PHKA1: variants seen among roughly 807,000 people sequenced by gnomAD.
PHKA1 encodes phosphorylase kinase regulatory subunit alpha 1.
In PHKA1, 60 loss-of-function variants were observed where a neutral mutation model predicts 110.2. That is an observed-to-expected ratio of 0.54 (90% CI 0.44 to 0.68). The LOEUF is 0.68. PHKA1 is among the 30% of genes least tolerant of loss of function. PHKA1 has a pLI of 0.00. For missense variants in PHKA1, 801 were observed against 942.5 expected, an observed-to-expected ratio of 0.85 and a Z score of 1.97; for synonymous variants, 316 against 333.6, an observed-to-expected ratio of 0.95 and a Z score of 0.58.
At chrX:72,677,132 A>G (rs1267275177) in intron 5 of PHKA1, among the ~76,000 whole-genome samples, 1 of 112,042 alleles carries the variant, frequency 8.9e-6, no homozygotes, top group Non-Finnish European at 1.9e-5. Flanking sequence ...GTGATCAGGT[A>G]TTTAGTAGAT....
chrX:72,630,979 C>T (rs1556287138), intron 16 of PHKA1, among the ~76,000 whole-genome samples: 2 of 88,111 alleles, frequency 2.3e-5, no homozygotes, highest in African/African-American at 4.2e-5. Flanking sequence ...GTCTTTGAGG[C>T]TCTGTTCATA....
At chrX:72,601,907 T>C (rs1229762035) in intron 28 of PHKA1, 84 bp downstream of exon 28, 3 of 681,395 alleles carry the variant, frequency 4.4e-6, no homozygotes, top group African/African-American at 4.3e-5. Flanking sequence ...TGTTATCTTA[T>C]TTGTAAAAAG....
At chrX:72,704,160 T>C (rs1410447525) in intron 3 of PHKA1, among the ~76,000 whole-genome samples, 2 of 111,934 alleles carry the variant, frequency 1.8e-5, no homozygotes, top group East Asian at 2.8e-4. Flanking sequence ...AATCTACACA[T>C]AAAAGGATGC....
At chrX:72,677,959 G>A (rs2053799539) in intron 5 of PHKA1, among the ~76,000 whole-genome samples, 1 of 111,338 alleles carries the variant, frequency 9.0e-6, no homozygotes, top group African/African-American at 3.3e-5. Context: ...GAAGTGGCAA[G>A]ATAGCTTGAG....
chrX:72,617,264 A>G (rs1162751393), intron 21 of PHKA1, among the ~76,000 whole-genome samples: 2 of 112,013 alleles, frequency 1.8e-5, no homozygotes, highest in African/African-American at 6.5e-5. Flanking sequence ...GGCTAGACAA[A>G]GAAAAAAAGA....
rs1037648592 is a variant in PHKA1, at chrX:72,599,926, T to G, written c.3072+2065A>C. ...AGATATGAGGCCAGGAAACAATTATTTGTACTTTTAAGTCACTAGTGGAGT... is the reference window on the plus strand; with the variant it reads ...AGATATGAGGCCAGGAAACAATTATGTGTACTTTTAAGTCACTAGTGGAGT... On this transcript the variant is annotated intron_variant, in intron 28 of 31. Transcript: ENST00000373542. 9.9e-6 allele frequency: 5 copies of G among 503,533 alleles called. No homozygotes were observed. The African/African-American group carries it at 1.2e-4, about 12-fold the overall frequency. The allele number at this position is 503,533 out of a possible 1,213,427, so 41.5% of individuals were successfully genotyped here. A position where few individuals can be genotyped will look rare whatever the true frequency, so the allele number is the denominator to read the frequency against.
intron 29 of PHKA1, among the ~76,000 whole-genome samples, chrX:72,591,014 A>G (rs906943750): frequency 2.0e-4 from 22 of 112,080 alleles, no homozygotes; most frequent in African/African-American, 7.1e-4. Context: ...TGATTCCTCA[A>G]GGATCTAGAA....
chrX:72,685,112 G>GGTAA (rs781903870), intron 4 of PHKA1, among the ~76,000 whole-genome samples: 4 of 111,349 alleles, frequency 3.6e-5, no homozygotes, highest in African/African-American at 1.3e-4. Context: ...CACCCTAAGA[G>GGTAA]GTAAGCACCT....
intron 4 of PHKA1, among the ~76,000 whole-genome samples, chrX:72,694,405 T>C (rs782481227): frequency 2.0e-4 from 23 of 112,250 alleles, no homozygotes; most frequent in Non-Finnish European, 3.4e-4. Context: ...AACTGCAAAC[T>C]ATATGGCATG....
Position 72,712,863 on chromosome X carries a change from G to T in PHKA1, c.153C>A (p.Ile51=), listed in dbSNP as rs782193948. ...CCAGGCCCAAACCCCACACAGCCAA[G>T]ATGCTGTACACATTATCTCGGACCC... ...DAWVRDNVYS[I]LAVWGLGLAY... is the part of the protein sequence containing the mutation. Residue 51 remains isoleucine, a synonymous_variant, in exon 2 of 32, where the codon ATC becomes ATA. Coordinates refer to ENST00000373542, the MANE Select transcript of PHKA1 (RefSeq NM_002637.4). 5.8e-6 allele frequency: 7 copies of T among 1,207,820 alleles called. No individual in the cohort carries two copies. Among genetic ancestry groups the T allele is most frequent in the Admixed American group, 2.2e-5 (1 of 45,734 alleles).
intron 29 of PHKA1, among the ~76,000 whole-genome samples, chrX:72,592,374 TC>T (rs2147658725): frequency 8.9e-6 from 1 of 112,411 alleles, no homozygotes; most frequent in Non-Finnish European, 1.9e-5. Context: ...GATGAAGTGA[TC>T]TTCAGGTCCT....
intron 28 of PHKA1, among the ~76,000 whole-genome samples, chrX:72,597,980 T>C (rs1316242835): frequency 1.8e-5 from 2 of 111,559 alleles, no homozygotes; most frequent in Admixed American, 1.9e-4. Context: ...ACCAAAAACA[T>C]CATGATTAAC....
chrX:72,639,443 G>A, intron 14 of PHKA1, among the ~76,000 whole-genome samples: 1 of 111,554 alleles, frequency 9.0e-6, no homozygotes, highest in Non-Finnish European at 1.9e-5. Flanking sequence ...GGCTGAGGCA[G>A]GAGAATCAGC....
rs377563573 is a variant in PHKA1 at position 72,610,995 on chromosome X, T to G, written c.2526+33A>C. ...CCAATTTTTAAAAAGCACGCTTATT[T>G]AGATTTGGTATAAATTCAAGAATTT... On this transcript the variant is annotated intron_variant, in intron 22 of 31. Transcript: ENST00000373542. 29 of 1,133,031 alleles carry G rather than the reference T, an allele frequency of 2.6e-5. No individual in the cohort carries two copies. The African/African-American group carries it at 4.9e-4, about 19-fold the overall frequency. The allele number at this position is 1,133,031 out of a possible 1,213,427, so 93.4% of individuals were successfully genotyped here. A position where few individuals can be genotyped will look rare whatever the true frequency, so the allele number is the denominator to read the frequency against.
chrX:72,601,770 C>G (rs782538489), intron 28 of PHKA1, among the ~76,000 whole-genome samples: 16 of 111,321 alleles, frequency 1.4e-4, no homozygotes, highest in African/African-American at 4.9e-4. Flanking sequence ...AGAGAAACTT[C>G]AATTTCTTAT....
At chrX:72,590,657 A>G (rs1320841870) in intron 29 of PHKA1, among the ~76,000 whole-genome samples, 1 of 112,142 alleles carries the variant, frequency 8.9e-6, no homozygotes, top group Non-Finnish European at 1.9e-5. Flanking sequence ...TTTGCAATCT[A>G]CCCATCTGAC....
At chrX:72,584,833 T>C (rs1556209383) in intron 29 of PHKA1, among the ~76,000 whole-genome samples, 1 of 108,019 alleles carries the variant, frequency 9.3e-6, no homozygotes, top group East Asian at 3.0e-4. Context: ...ACATGTGCCA[T>C]GTGGGTGTGC....
intron 29 of PHKA1, among the ~76,000 whole-genome samples, chrX:72,590,510 T>A (rs2052503790): frequency 9.0e-6 from 1 of 111,705 alleles, no homozygotes; most frequent in Non-Finnish European, 1.9e-5. Context: ...TGCAAGGACT[T>A]CATCACTAAA....
intron 2 of PHKA1, among the ~76,000 whole-genome samples, chrX:72,710,844 T>C (rs1276396654): frequency 9.3e-6 from 1 of 107,334 alleles, no homozygotes; most frequent in Non-Finnish European, 1.9e-5. Flanking sequence ...TTTTTTATTT[T>C]TTTTTTTATT....
Sources: gnomAD v4.1 joint callset for allele counts (sites outside exome capture counted in the v4.1 genomes callset) on GRCh38, gnomAD v4.1.1 for gene constraint, MANE v1.5 for transcripts, NCBI Gene and HGNC (gene_info 2026-07-23, HGNC 2026-07-21) for gene names.